TRIM2: variants seen among roughly 807,000 people sequenced by gnomAD.
The protein encoded by TRIM2 is tripartite motif containing 2.
In TRIM2, 20 loss-of-function variants were observed where a neutral mutation model predicts 75.2. The observed-to-expected ratio is 0.27, with a 90% CI of 0.19 to 0.39. TRIM2 has a LOEUF of 0.39. Among genes scored for constraint, TRIM2 ranks in the 10% least tolerant of loss-of-function variants. The pLI, the probability that TRIM2 is intolerant of heterozygous loss-of-function variation, is 1.00. For missense variants in TRIM2, 660 were observed against 990.8 expected (o/e 0.67, Z 4.48); for synonymous variants, 373 against 388.3 (o/e 0.96, Z 0.46).
At chr4:153,246,035 C>T (rs568115524) in intron 1 of TRIM2, among the ~76,000 whole-genome samples, 4 of 152,232 alleles carry the variant, frequency 2.6e-5, no homozygotes, top group South Asian at 2.1e-4. Context: ...GCAGTTGCAA[C>T]GGATACTGTA....
intron 1 of TRIM2, among the ~76,000 whole-genome samples, chr4:153,171,634 T>C (rs1284959405): frequency 8.3e-6 from 1 of 120,246 alleles, no homozygotes; most frequent in Non-Finnish European, 1.8e-5. Flanking sequence ...ATTGGATTGG[T>C]TAATGGAAAA....
At chr4:153,277,595 T>C (rs530427955) in intron 3 of TRIM2, among the ~76,000 whole-genome samples, 17 of 152,322 alleles carry the variant, frequency 1.1e-4, no homozygotes, top group Admixed American at 9.2e-4. Flanking sequence ...AACCCCCCTC[T>C]GCAAAGTAGT....
rs1290856641 is a variant in TRIM2 at position 153,295,446 on chromosome 4, A to G, written c.920A>G (p.Lys307Arg). 1.2e-6 allele frequency: 2 copies of G among 1,614,100 alleles called. No homozygotes were observed. The highest frequency in any genetic ancestry group is 3.3e-5 in the Admixed American group (2 of 60,014). ...VLLVKKQMSE[K>R]LNELADQDFP... ...CTGGTGAAGAAGCAGATGAGCGAGA[A>G]GCTGAACGAGCTGGCCGACCAGGAC... Residue 307 changes from lysine to arginine, a missense_variant, in exon 6 of 12, where the codon AAG becomes AGG. Physicochemically the swap from Lys to Arg is conservative, Grantham distance 26. Transcript: ENST00000338700. The surrounding 1 kb of genome is among the most constrained non-coding windows in gnomAD (Gnocchi z 7.2).
chr4:153,330,477 G>A (rs963212576), intron 11 of TRIM2, among the ~76,000 whole-genome samples: 2 of 152,054 alleles, frequency 1.3e-5, no homozygotes, highest in Non-Finnish European at 2.9e-5. Flanking sequence ...TTTATTCCAG[G>A]AATGCAAGAC....
In TRIM2 at chr4:153,338,894, A is replaced by ACT; in HGVS notation, c.*3928_*3929insCT. ...TCAATGGAGTGTATTCTTGTAATAG[A>ACT]ATTCTTTATATCGTTCTCAATTCTA... On this transcript the variant is annotated 3_prime_UTR_variant, in exon 12 of 12. Coordinates refer to ENST00000338700, the MANE Select transcript of TRIM2 (RefSeq NM_015271.5). The ACT allele has an allele frequency of 2.0e-6, 2 of 985,572 alleles. No homozygotes were observed. The highest frequency in any genetic ancestry group is 2.4e-6 in the Non-Finnish European group (2 of 829,830). 61.1% of individuals were successfully genotyped at this position (985,572 alleles called of 1,614,324 possible).
Position 153,179,644 on chromosome 4 carries a change from T to G in TRIM2, c.-49+26374T>G, listed in dbSNP as rs531264345. On this transcript the variant is annotated intron_variant, in intron 1 of 11. Coordinates refer to the TRIM2 transcript ENST00000437508. ...TTCACAGAACAGGCACTTAAGTCAC[T>G]GTTTACGCATAATGACAAGATTTTT... 2.4e-4 allele frequency among the ~76,000 whole-genome samples: 37 copies of G among 152,328 alleles called. 2 individuals are homozygous for G. The South Asian group carries it at 7.5e-3, about 31-fold the overall frequency.
In TRIM2 at chr4:153,286,770, C is replaced by G. The variant is rs373421357; in HGVS notation, c.454-6212C>G. ...ACACACACCCACCACCCCGCACCCC[C>G]CCACCATCTCACTCTCTCTCTCTCT... On this transcript the variant is annotated intron_variant, in intron 3 of 11. Transcript: ENST00000338700. 4.9e-4 allele frequency among the ~76,000 whole-genome samples: 74 copies of G among 149,870 alleles called. 1 individual carries two copies. The highest frequency in any genetic ancestry group is 1.7e-3 in the African/African-American group (70 of 40,086).
chr4:153,204,979 A>AT (rs1294738669), intron 1 of TRIM2, among the ~76,000 whole-genome samples: 1 of 152,184 alleles, frequency 6.6e-6, no homozygotes, highest in African/African-American at 2.4e-5. Context: ...AAAGGACCTA[A>AT]TATCTGCTAG....
rs112658763 is a variant in TRIM2, at chr4:153,165,108, A to G, written c.-49+11838A>G. ...ACTCCCTCTGGGATTTTCCTCTCTT[A>G]GTTCTCAATCCCACCCCAATTTGGA... On this transcript the variant is annotated intron_variant, in intron 1 of 11. Coordinates refer to the TRIM2 transcript ENST00000437508. 5.2e-3 allele frequency among the ~76,000 whole-genome samples: 784 copies of G among 152,192 alleles called. 5 individuals are homozygous for G. Among genetic ancestry groups the G allele is most frequent in the African/African-American group, 0.017 (699 of 41,520 alleles).
At chr4:153,290,711 C>T (rs6821681) in intron 3 of TRIM2, among the ~76,000 whole-genome samples, 7,062 of 152,258 alleles carry the variant, frequency 0.046, 525 homozygotes, top group African/African-American at 0.16. Context: ...ACTGCAACCT[C>T]GAACTCCGAA....
At chr4:153,230,984 T>C (rs1327081677) in intron 1 of TRIM2, among the ~76,000 whole-genome samples, 1 of 152,240 alleles carries the variant, frequency 6.6e-6, no homozygotes, top group Non-Finnish European at 1.5e-5. Context: ...GGTAACATCT[T>C]AGAAGCGAGG....
chr4:153,282,262 A>C (rs1759521756), intron 3 of TRIM2, among the ~76,000 whole-genome samples: 1 of 152,256 alleles, frequency 6.6e-6, no homozygotes, highest in Non-Finnish European at 1.5e-5. Context: ...GAACCGAAGC[A>C]CGAGCCTTTG....
intron 1 of TRIM2, among the ~76,000 whole-genome samples, chr4:153,172,783 G>A (rs1471905037): frequency 1.3e-5 from 2 of 152,158 alleles, no homozygotes; most frequent in Non-Finnish European, 2.9e-5. Context: ...AAGGACTGAA[G>A]CAGTAACATT....
intron 11 of TRIM2, among the ~76,000 whole-genome samples, chr4:153,331,392 C>G (rs1771455607): frequency 6.6e-6 from 1 of 152,002 alleles, no homozygotes; most frequent in Non-Finnish European, 1.5e-5. Flanking sequence ...AAATTAAAAA[C>G]ACAATACCAT....
At chr4:153,192,829 A>G (rs887695922) in intron 1 of TRIM2, among the ~76,000 whole-genome samples, 5 of 152,034 alleles carry the variant, frequency 3.3e-5, no homozygotes, top group Non-Finnish European at 5.9e-5. Flanking sequence ...GCCCATCCAG[A>G]TCTTCTCACA....
chr4:153,289,373 G>A (rs953143629), intron 3 of TRIM2, among the ~76,000 whole-genome samples: 1 of 152,098 alleles, frequency 6.6e-6, no homozygotes, highest in Admixed American at 6.5e-5. Flanking sequence ...AATGAAGTCT[G>A]TTCCAGTAGA....
intron 1 of TRIM2, among the ~76,000 whole-genome samples, chr4:153,247,429 A>T (rs997826434): frequency 4.6e-5 from 7 of 152,198 alleles, no homozygotes; most frequent in Admixed American, 4.6e-4. Context: ...TAGTCCCAGC[A>T]CTTCGGGAGG....
intron 1 of TRIM2, among the ~76,000 whole-genome samples, chr4:153,163,374 A>G (rs1489482219): frequency 6.7e-6 from 1 of 149,834 alleles, no homozygotes; most frequent in African/African-American, 2.5e-5. Flanking sequence ...TGTAGAGATG[A>G]GGTCTCACTA....
At chr4:153,244,843 G>A (rs1748692980) in intron 1 of TRIM2, among the ~76,000 whole-genome samples, 1 of 152,184 alleles carries the variant, frequency 6.6e-6, no homozygotes, top group Non-Finnish European at 1.5e-5. Flanking sequence ...AGGAAAGAAT[G>A]GAATTGGGAA....
Sources: gnomAD v4.1 joint callset for allele counts (sites outside exome capture counted in the v4.1 genomes callset) on GRCh38, gnomAD v4.1.1 for gene constraint, Gnocchi (gnomAD v3.1) non-coding constraint, MANE v1.5 for transcripts, NCBI Gene and HGNC (gene_info 2026-07-23, HGNC 2026-07-21) for gene names.